The following MAP3K5 variants were observed in gnomAD, a reference collection of about 807,000 sequenced individuals.
The protein encoded by MAP3K5 is mitogen-activated protein kinase kinase kinase 5.
In MAP3K5, 56 loss-of-function variants were observed where a neutral mutation model predicts 158.7. The observed-to-expected ratio is 0.35, with a 90% CI of 0.28 to 0.44. MAP3K5 has a LOEUF of 0.44. MAP3K5 is among the 20% of genes least tolerant of loss of function. The pLI is 1.00. For synonymous variants in MAP3K5, 579 were observed against 601.7 expected (o/e 0.96, Z 0.55); for missense variants, 1,294 against 1,674.8 (o/e 0.77, Z 3.97).
At chr6:136,681,045 A>G (rs759518636) in intron 7 of MAP3K5, among the ~76,000 whole-genome samples, 2 of 152,256 alleles carry the variant, frequency 1.3e-5, no homozygotes, top group African/African-American at 4.8e-5. Context: ...CTATGCTGTC[A>G]GATGGAACCA....
intron 12 of MAP3K5, among the ~76,000 whole-genome samples, chr6:136,641,412 C>T (rs77626064): frequency 6.6e-6 from 1 of 152,244 alleles, no homozygotes; most frequent in East Asian, 1.9e-4. Context: ...GTAGTTAGCA[C>T]ATCTAATTTG....
chr6:136,790,058 A>C (rs961251127), intron 1 of MAP3K5, among the ~76,000 whole-genome samples: 7 of 152,140 alleles, frequency 4.6e-5, no homozygotes, highest in African/African-American at 1.7e-4. Flanking sequence ...CTCCCTATGA[A>C]TCCTAGGGCC....
At chr6:136,670,039 GA>G (rs1228708340) in intron 7 of MAP3K5, among the ~76,000 whole-genome samples, 10 of 151,922 alleles carry the variant, frequency 6.6e-5, no homozygotes, top group African/African-American at 2.2e-4. Flanking sequence ...AATTCCATAA[GA>G]ATGATATAAA....
At chr6:136,620,305 G>A (rs1456612563) in intron 15 of MAP3K5, among the ~76,000 whole-genome samples, 1 of 152,064 alleles carries the variant, frequency 6.6e-6, no homozygotes, top group Non-Finnish European at 1.5e-5. Flanking sequence ...ATCTGGGTTT[G>A]CTATTGGGTT....
chr6:136,783,310 A>G (rs1395829803), intron 1 of MAP3K5, among the ~76,000 whole-genome samples: 3 of 144,800 alleles, frequency 2.1e-5, no homozygotes, highest in African/African-American at 7.5e-5. Flanking sequence ...ACACAAACCA[A>G]TATATCAGAG....
chr6:136,614,424 C>A, intron 15 of MAP3K5, 138 bp from the exon 16 acceptor site: 3 of 857,842 alleles, frequency 3.5e-6, no homozygotes, highest in East Asian at 2.5e-5. Flanking sequence ...GCCTTTATTT[C>A]TCCTAAGGTA....
chr6:136,661,493 T>C (rs1779004274), intron 8 of MAP3K5, among the ~76,000 whole-genome samples: 1 of 152,166 alleles, frequency 6.6e-6, no homozygotes, highest in Non-Finnish European at 1.5e-5. Context: ...ATTTCTGGGC[T>C]CAAGTGATCC....
At chr6:136,627,227 C>A (rs778665847) in intron 14 of MAP3K5, among the ~76,000 whole-genome samples, 1 of 152,068 alleles carries the variant, frequency 6.6e-6, no homozygotes, top group Non-Finnish European at 1.5e-5. Context: ...TTATTCTCAC[C>A]GGAGTTGCCT....
intron 7 of MAP3K5, among the ~76,000 whole-genome samples, chr6:136,674,558 A>T (rs971179137): frequency 2.0e-5 from 3 of 152,030 alleles, no homozygotes; most frequent in African/African-American, 4.8e-5. Flanking sequence ...TGTAAGACCA[A>T]TAAAAAATAA....
intron 19 of MAP3K5, 74 bp downstream of exon 19, chr6:136,605,135 G>T: frequency 7.0e-7 from 1 of 1,428,102 alleles, no homozygotes; most frequent in South Asian, 1.3e-5. Context: ...AAAAAAATAT[G>T]ACACACACAC....
At chr6:136,654,554 C>T (rs1299566156) in intron 10 of MAP3K5, among the ~76,000 whole-genome samples, 1 of 152,158 alleles carries the variant, frequency 6.6e-6, no homozygotes, top group Admixed American at 6.5e-5. Context: ...TCAAGCGATT[C>T]TCCTGTCTCA....
intron 7 of MAP3K5, among the ~76,000 whole-genome samples, chr6:136,689,633 T>C (rs1780303517): frequency 6.6e-6 from 1 of 152,182 alleles, no homozygotes; most frequent in Non-Finnish European, 1.5e-5. Context: ...CGGTTCTGTA[T>C]AGAGGGAGTG....
At chr6:136,662,401 C>T (rs1467388251) in intron 8 of MAP3K5, among the ~76,000 whole-genome samples, 2 of 152,194 alleles carry the variant, frequency 1.3e-5, no homozygotes, top group African/African-American at 4.8e-5. Flanking sequence ...AGCATTTATG[C>T]TCTTTGCACA....
intron 15 of MAP3K5, among the ~76,000 whole-genome samples, chr6:136,620,149 A>C (rs982027761): frequency 9.9e-5 from 15 of 152,124 alleles, no homozygotes; most frequent in Non-Finnish European, 2.1e-4. Context: ...GCAGGCCTGT[A>C]ATCCCAGCTA....
At chr6:136,693,344 C>T (rs1009286798) in intron 7 of MAP3K5, among the ~76,000 whole-genome samples, 11 of 152,182 alleles carry the variant, frequency 7.2e-5, no homozygotes, top group African/African-American at 2.4e-4. Context: ...ACTGGTGGAG[C>T]AAGTCCTTCC....
chr6:136,710,558 A>G (rs1465044808), intron 2 of MAP3K5, among the ~76,000 whole-genome samples: 2 of 152,204 alleles, frequency 1.3e-5, no homozygotes, highest in African/African-American at 2.4e-5. Flanking sequence ...TCTCTGGGAC[A>G]GTGTTTGAAA....
Position 136,694,948 on chromosome 6 carries a change from A to G in MAP3K5, c.1083-638T>C, listed in dbSNP as rs544418672. ...AAGTGAAAGAGGTCAGTCACAAGGG[A>G]CCACATACTGTATGATTCCATTTAT... On this transcript the variant is annotated intron_variant, in intron 6 of 29. Transcript: ENST00000359015. 6.6e-5 allele frequency among the ~76,000 whole-genome samples: 10 copies of G among 152,260 alleles called. No individual in the cohort carries two copies. In the East Asian group the frequency reaches 1.9e-3, roughly 29 times the overall value.
chr6:136,569,883 A>C (rs1049919246), intron 25 of MAP3K5, among the ~76,000 whole-genome samples: 1 of 152,178 alleles, frequency 6.6e-6, no homozygotes, highest in Non-Finnish European at 1.5e-5. Context: ...TTACAGTCAT[A>C]ATTTAAGTGA....
chr6:136,726,373 A>G (rs1286110914), intron 1 of MAP3K5, among the ~76,000 whole-genome samples: 1 of 152,220 alleles, frequency 6.6e-6, no homozygotes, highest in Non-Finnish European at 1.5e-5. Flanking sequence ...CAGGTGGCTC[A>G]CTTGAGGCCA....
Sources: gnomAD v4.1 joint callset for allele counts (sites outside exome capture counted in the v4.1 genomes callset) on GRCh38, gnomAD v4.1.1 for gene constraint, MANE v1.5 for transcripts, NCBI Gene and HGNC (gene_info 2026-07-23, HGNC 2026-07-21) for gene names.